SNX29: variants seen among roughly 807,000 people sequenced by gnomAD.
SNX29 encodes sorting nexin-29.
Under a neutral mutation model 102.1 loss-of-function variants are expected in SNX29, and 78 were observed. That is an observed-to-expected ratio of 0.76 (90% CI 0.64 to 0.92). The LOEUF is 0.92. Among genes scored for constraint, SNX29 ranks in the 40% least tolerant of loss-of-function variants. The pLI, the probability that SNX29 is intolerant of heterozygous loss-of-function variation, is 0.00. For missense variants in SNX29, 1,280 were observed against 1,061.7 expected (o/e 1.21, Z -2.86); for synonymous variants, 580 against 414.5 (o/e 1.40, Z -4.85).
In SNX29 at chr16:12,572,556, C is replaced by T. The variant is rs2079210077; in HGVS notation, c.*3927C>T. On this transcript the variant is annotated 3_prime_UTR_variant, in exon 21 of 21. Transcript: ENST00000566228. ...AGGGGGCTGCGACACCATCTGGCTCCTCACAGGGAGGTCCAGCCATGTTCT... is the reference window on the plus strand; with the variant it reads ...AGGGGGCTGCGACACCATCTGGCTCTTCACAGGGAGGTCCAGCCATGTTCT... The T allele has an allele frequency of 1.2e-5, 13 of 1,063,756 alleles. No individual in the cohort carries two copies. The highest frequency in any genetic ancestry group is 1.5e-5 in the Non-Finnish European group (13 of 878,250). The allele number at this position is 1,063,756 out of a possible 1,614,324, so 65.9% of individuals were successfully genotyped here. A position where few individuals can be genotyped will look rare whatever the true frequency, so the allele number is the denominator to read the frequency against.
intron 20 of SNX29, among the ~76,000 whole-genome samples, chr16:12,534,700 G>C (rs1802834351): frequency 6.6e-6 from 1 of 152,178 alleles, no homozygotes; most frequent in Non-Finnish European, 1.5e-5. Flanking sequence ...GCTTTTCTTG[G>C]CGTTGCCACT....
intron 13 of SNX29, among the ~76,000 whole-genome samples, chr16:12,150,297 C>T (rs1294551718): frequency 6.6e-6 from 1 of 152,140 alleles, no homozygotes; most frequent in Non-Finnish European, 1.5e-5. Context: ...GTGAATGCTT[C>T]TAGAGAGAGA....
chr16:12,369,227 C>T (rs576211331), intron 16 of SNX29, among the ~76,000 whole-genome samples: 1 of 152,134 alleles, frequency 6.6e-6, no homozygotes, highest in South Asian at 2.1e-4. Flanking sequence ...CCTCCGCCTC[C>T]TAGGTTCAAG....
chr16:12,563,371 G>C (rs552989026), intron 20 of SNX29, among the ~76,000 whole-genome samples: 1 of 152,202 alleles, frequency 6.6e-6, no homozygotes, highest in African/African-American at 2.4e-5. Context: ...TTATCGCCAC[G>C]TTGATATTTT....
chr16:12,245,884 A>G (rs994542875), intron 14 of SNX29, among the ~76,000 whole-genome samples: 14 of 152,200 alleles, frequency 9.2e-5, no homozygotes, highest in Admixed American at 7.9e-4. Context: ...GCTGCAGGTT[A>G]CGTGTTTGGA....
At chr16:12,561,518 GAA>G (rs1307077690) in intron 20 of SNX29, among the ~76,000 whole-genome samples, 1 of 152,164 alleles carries the variant, frequency 6.6e-6, no homozygotes, top group Admixed American at 6.5e-5. Context: ...GAAACAAAGT[GAA>G]AAGTTAGTCT....
chr16:12,561,912 C>T (rs573552442), intron 20 of SNX29, among the ~76,000 whole-genome samples: 26 of 152,298 alleles, frequency 1.7e-4, no homozygotes, highest in African/African-American at 5.5e-4. Context: ...GTTCCTTCTC[C>T]AGTTGCCTTC....
At chr16:12,364,152 C>G (rs1314446290) in intron 16 of SNX29, among the ~76,000 whole-genome samples, 1 of 113,606 alleles carries the variant, frequency 8.8e-6, no homozygotes, top group Non-Finnish European at 1.8e-5. Flanking sequence ...GCCACCAAGC[C>G]TGGCTTGTTT....
At chr16:12,411,093 T>C (rs1254044696) in intron 18 of SNX29, among the ~76,000 whole-genome samples, 2 of 152,204 alleles carry the variant, frequency 1.3e-5, no homozygotes, top group Admixed American at 1.3e-4. Flanking sequence ...TGATGTGGGC[T>C]CTGAGAAGCC....
chr16:12,248,553 C>A (rs2142361989), intron 14 of SNX29, among the ~76,000 whole-genome samples: 1 of 152,092 alleles, frequency 6.6e-6, no homozygotes, highest in South Asian at 2.1e-4. Context: ...CCATGCCTGG[C>A]TAGTTTTTGT....
chr16:12,562,806 C>G (rs1567208660), intron 20 of SNX29, among the ~76,000 whole-genome samples: 1 of 152,198 alleles, frequency 6.6e-6, no homozygotes, highest in Non-Finnish European at 1.5e-5. Flanking sequence ...TGTGGAACAA[C>G]TCCTTTCCCC....
intron 14 of SNX29, among the ~76,000 whole-genome samples, chr16:12,209,828 T>C (rs1211109103): frequency 1.3e-5 from 2 of 152,210 alleles, no homozygotes; most frequent in African/African-American, 4.8e-5. Context: ...GTGGCATGAC[T>C]TTAGGACACT....
chr16:12,115,312 C>T (rs576387221), intron 11 of SNX29, among the ~76,000 whole-genome samples: 1 of 152,250 alleles, frequency 6.6e-6, no homozygotes, highest in East Asian at 1.9e-4. Context: ...GTGGGTTTCT[C>T]AGTCTCCCTA....
intron 18 of SNX29, among the ~76,000 whole-genome samples, chr16:12,434,769 A>G (rs1053581061): frequency 3.9e-5 from 6 of 152,066 alleles, no homozygotes; most frequent in Admixed American, 3.3e-4. Context: ...CTCCAGTCCC[A>G]TGAGCACACT....
chr16:12,521,242 C>T (rs773425389), intron 19 of SNX29, among the ~76,000 whole-genome samples: 54 of 152,026 alleles, frequency 3.6e-4, no homozygotes, highest in Non-Finnish European at 7.2e-4. Context: ...CACCTGTACC[C>T]GCAAAAATTA....
In SNX29 at chr16:12,571,485, G is replaced by A; in HGVS notation, c.*2856G>A. On this transcript the variant is annotated 3_prime_UTR_variant, in exon 21 of 21. Coordinates refer to ENST00000566228, the MANE Select transcript of SNX29 (RefSeq NM_032167.5). The stretch of plus-strand genomic sequence containing the variant: ...AGAAGCCCCCTCCCCTACTCAGAGA[G>A]GAACGAGGGTGGCCCACCTCTCAAG... 1 of 304,160 alleles carries A rather than the reference G, an allele frequency of 3.3e-6. No homozygotes were observed. Among genetic ancestry groups the A allele is most frequent in the Non-Finnish European group, 5.5e-6 (1 of 183,386 alleles). 18.8% of individuals were successfully genotyped at this position (304,160 alleles called of 1,614,324 possible).
At position 12,470,483 on chromosome 16, in the gene SNX29, G is replaced by A. The variant is rs12103111; in HGVS notation, c.2038-7236G>A. On this transcript the variant is annotated intron_variant, in intron 18 of 20. Coordinates refer to ENST00000566228, the MANE Select transcript of SNX29 (RefSeq NM_032167.5). ...CCTGGGGGCTTGCGTGGCAGGGACTGGATAAATGCCCAGGCCGGCCTGCAG... is the reference window on the plus strand; with the variant it reads ...CCTGGGGGCTTGCGTGGCAGGGACTAGATAAATGCCCAGGCCGGCCTGCAG... Among the ~76,000 whole-genome samples the A allele has an allele frequency of 3.1e-3, 474 of 152,310 alleles. 6 individuals are homozygous for A. The highest frequency in any genetic ancestry group is 0.011 in the African/African-American group (446 of 41,570).
intron 8 of SNX29, among the ~76,000 whole-genome samples, chr16:12,060,459 G>C (rs72784638): frequency 0.07 from 10,617 of 152,152 alleles, 513 homozygotes; most frequent in Non-Finnish European, 0.11. Flanking sequence ...AAAATTAGCC[G>C]GGTATGGTGG....
chr16:12,351,797 C>A (rs1027575960), intron 15 of SNX29, among the ~76,000 whole-genome samples: 1 of 152,088 alleles, frequency 6.6e-6, no homozygotes, highest in African/African-American at 2.4e-5. Flanking sequence ...TGCTTTCCCC[C>A]ATCTTTTAGG....
Sources: gnomAD v4.1 joint callset for allele counts (sites outside exome capture counted in the v4.1 genomes callset) on GRCh38, gnomAD v4.1.1 for gene constraint, MANE v1.5 for transcripts, NCBI Gene and HGNC (gene_info 2026-07-23, HGNC 2026-07-21) for gene names.